Variants in ATP9B observed in about 807,000 individuals in gnomAD.
The protein encoded by ATP9B is ATPase phospholipid transporting 9B.
ATP9B carries 110 observed loss-of-function variants against 146.1 expected under a neutral mutation model. The ratio of observed to expected loss-of-function variants is 0.75; its 90% CI spans 0.65 to 0.88. The LOEUF (loss-of-function observed/expected upper bound fraction) is 0.88. ATP9B is among the 40% of genes least tolerant of loss of function. ATP9B has a pLI of 0.00. For synonymous variants in ATP9B, 604 were observed against 569.7 expected (o/e 1.06, Z -0.86); for missense variants, 1,499 against 1,496.4 (o/e 1.00, Z -0.03).
chr18:79,311,772 C>T (rs1425339290), intron 15 of ATP9B, among the ~76,000 whole-genome samples: 1 of 152,178 alleles, frequency 6.6e-6, no homozygotes, highest in Non-Finnish European at 1.5e-5. Context: ...GGCTTTCCGT[C>T]TTTCTCTACA....
chr18:79,327,429 G>A lies in ATP9B; in HGVS notation c.1774-1712G>A, dbSNP rs534260936. On this transcript the variant is annotated intron_variant, in intron 15 of 29. Transcript: ENST00000426216. ...AGTGGTGTGGGACGTTGCAGAGAGC[G>A]TGCTCTCCATGGTTAGTGTGCTCCC... Among the ~76,000 whole-genome samples, 81 of 152,254 alleles carry A rather than the reference G, an allele frequency of 5.3e-4. 2 individuals carry two copies. In the South Asian group the frequency reaches 0.012, roughly 22 times the overall value.
intron 15 of ATP9B, among the ~76,000 whole-genome samples, chr18:79,307,986 G>A (rs1446215133): frequency 1.3e-5 from 2 of 152,124 alleles, no homozygotes; most frequent in African/African-American, 4.8e-5. Flanking sequence ...GGTGGGGGCA[G>A]GGCGTACCTT....
At chr18:79,257,288 A>G (rs537378780) in intron 12 of ATP9B, among the ~76,000 whole-genome samples, 2 of 152,210 alleles carry the variant, frequency 1.3e-5, no homozygotes, top group Non-Finnish European at 2.9e-5. Context: ...CAGGCAAAAG[A>G]ACAAAACTCT....
chr18:79,160,754 GTGTTTGTTTGTT>G lies in ATP9B; in HGVS notation c.778+6213_778+6224del, dbSNP rs148998603. 5.9e-5 allele frequency among the ~76,000 whole-genome samples: 9 copies of G among 151,832 alleles called. No individual in the cohort carries two copies. The South Asian group carries it at 1.7e-3, about 28-fold the overall frequency. On this transcript the variant is annotated intron_variant, in intron 7 of 29. Coordinates refer to ENST00000426216, the MANE Select transcript of ATP9B (RefSeq NM_198531.5). ...TATTAGCAATTTTATGGGTTTGTTT[GTGTTTGTTTGTT>G]TGTTTGTTTGTTTTTTCTCTTTTTG...
chr18:79,079,402 C>G (rs1341288412), intron 1 of ATP9B, among the ~76,000 whole-genome samples: 4 of 151,722 alleles, frequency 2.6e-5, no homozygotes, highest in African/African-American at 9.7e-5. Flanking sequence ...TTGCATTTCT[C>G]TGATGAGCTT....
At chr18:79,321,572 A>G (rs1203937891) in intron 15 of ATP9B, among the ~76,000 whole-genome samples, 2 of 152,106 alleles carry the variant, frequency 1.3e-5, no homozygotes, top group African/African-American at 4.8e-5. Flanking sequence ...TATTATCGAA[A>G]TTCTGTCCAA....
intron 7 of ATP9B, among the ~76,000 whole-genome samples, chr18:79,169,394 T>A (rs1232033649): frequency 6.6e-6 from 1 of 152,166 alleles, no homozygotes. Flanking sequence ...GTATAGTAGG[T>A]GTTCAGTAAA....
At chr18:79,071,623 A>G (rs1233360048) in intron 1 of ATP9B, among the ~76,000 whole-genome samples, 2 of 151,746 alleles carry the variant, frequency 1.3e-5, no homozygotes, top group Admixed American at 1.3e-4. Context: ...CTCCTGTGTC[A>G]TCCTCCCAGA....
chr18:79,227,226 G>C lies in ATP9B; in HGVS notation c.1107+13188G>C, dbSNP rs568257271. On this transcript the variant is annotated intron_variant, in intron 11 of 29. Transcript: ENST00000426216. ...CAGACAGATGTTCCAGACTCATCTT[G>C]TACTTTCTTTGCTCCAGCCCTGGGC... 3.9e-5 allele frequency among the ~76,000 whole-genome samples: 6 copies of C among 152,024 alleles called. No individual in the cohort carries two copies. In the East Asian group the frequency reaches 1.2e-3, roughly 29 times the overall value.
At chr18:79,247,938 A>C (rs1433511611) in intron 11 of ATP9B, among the ~76,000 whole-genome samples, 1 of 152,224 alleles carries the variant, frequency 6.6e-6, no homozygotes, top group East Asian at 1.9e-4. Flanking sequence ...TAAATTGTCT[A>C]TTGTGTAAAT....
At chr18:79,373,037 C>T (rs2097081579) in intron 27 of ATP9B, among the ~76,000 whole-genome samples, 155 bp downstream of exon 27, 1 of 124,578 alleles carries the variant, frequency 8.0e-6, no homozygotes, top group Non-Finnish European at 1.7e-5. Flanking sequence ...ATCAATATTC[C>T]AGCAACATGG....
intron 13 of ATP9B, among the ~76,000 whole-genome samples, chr18:79,289,576 C>T (rs2096481041): frequency 6.6e-6 from 1 of 152,184 alleles, no homozygotes; most frequent in Non-Finnish European, 1.5e-5. Flanking sequence ...TCCTGTAGCT[C>T]AGAGTAGTTT....
chr18:79,160,683 A>G (rs926431549), intron 7 of ATP9B, among the ~76,000 whole-genome samples: 3 of 152,256 alleles, frequency 2.0e-5, no homozygotes, highest in Non-Finnish European at 4.4e-5. Context: ...CAGAAGAGGA[A>G]TCTGAGGGCT....
chr18:79,329,402 G>T, intron 16 of ATP9B, 100 bp downstream of exon 16: 5 of 1,305,926 alleles, frequency 3.8e-6, no homozygotes, highest in East Asian at 2.5e-5. Context: ...CATTTACTCA[G>T]GTGCTTTATG....
chr18:79,069,606 G>T (rs1430291227), intron 1 of ATP9B, 77 bp downstream of exon 1: 87 of 978,100 alleles, frequency 8.9e-5, no homozygotes, highest in Non-Finnish European at 1.2e-4. Context: ...ACCCGGAGCC[G>T]GGCGGGTCTG....
intron 12 of ATP9B, chr18:79,255,056 G>T (rs2096064946): frequency 1.3e-5 from 2 of 152,234 alleles, no homozygotes; most frequent in South Asian, 4.2e-4. Flanking sequence ...ACCTAGAACG[G>T]AGCACGCTTG....
At chr18:79,363,343 A>C (rs867862893) in intron 26 of ATP9B, 74 of 21,224 alleles carry the variant, frequency 3.5e-3, no homozygotes, top group African/African-American at 0.015. Flanking sequence ...ACATTGAGGA[A>C]AGAAACTGTA....
Position 79,256,257 on chromosome 18 carries a change from CTATATATA to C in ATP9B, c.1268+2739_1268+2746del, listed in dbSNP as rs10531617. 3.1e-4 allele frequency among the ~76,000 whole-genome samples: 31 copies of C among 100,372 alleles called. 2 individuals carry two copies. The highest frequency in any genetic ancestry group is 7.9e-4 in the African/African-American group (17 of 21,616). 65.8% of individuals were successfully genotyped at this position (100,372 alleles called of 152,430 possible). Reference sequence around the variant, plus strand: ...ATGCCATTTTGTGAATTCTAGCTAGCTATATATATATATATATATATATATATATACAT... The same window carrying C: ...ATGCCATTTTGTGAATTCTAGCTAGCTATATATATATATATATATATACAT... On this transcript the variant is annotated intron_variant, in intron 12 of 29. Transcript: ENST00000426216.
intron 22 of ATP9B, 56 bp downstream of exon 22, chr18:79,345,628 C>A: frequency 2.5e-6 from 4 of 1,596,528 alleles, no homozygotes; most frequent in Non-Finnish European, 3.4e-6. Flanking sequence ...CGTAGGCTGA[C>A]ATTGATGGGC....
Sources: gnomAD v4.1 joint callset for allele counts (sites outside exome capture counted in the v4.1 genomes callset) on GRCh38, gnomAD v4.1.1 for gene constraint, MANE v1.5 for transcripts, NCBI Gene and HGNC (gene_info 2026-07-23, HGNC 2026-07-21) for gene names.